ERBB4: variants seen among roughly 807,000 people sequenced by gnomAD.
The protein encoded by ERBB4 is receptor tyrosine-protein kinase erbB-4.
In ERBB4, 42 loss-of-function variants were observed where a neutral mutation model predicts 158.0. The ratio of observed to expected loss-of-function variants is 0.27; its 90% CI spans 0.21 to 0.34. ERBB4 has a LOEUF of 0.34. Ranked by LOEUF, ERBB4 falls within the 10% of genes least tolerant of loss-of-function variation. The probability of loss-of-function intolerance (pLI) is 1.00; values close to 1 mark genes in which losing one functional copy is unlikely to be tolerated. For synonymous variants in ERBB4, 583 were observed against 558.7 expected, an observed-to-expected ratio of 1.04 and a Z score of -0.61; for missense variants, 1,333 against 1,624.1, an observed-to-expected ratio of 0.82 and a Z score of 3.08.
intron 17 of ERBB4, among the ~76,000 whole-genome samples, chr2:211,627,200 A>G (rs2069893029): frequency 6.6e-6 from 1 of 152,122 alleles, no homozygotes; most frequent in Non-Finnish European, 1.5e-5. Context: ...GAATTCTCTC[A>G]CCAACTGCCT....
intron 2 of ERBB4, among the ~76,000 whole-genome samples, chr2:211,968,450 A>C (rs1282658033): frequency 1.3e-5 from 2 of 152,086 alleles, no homozygotes; most frequent in Non-Finnish European, 2.9e-5. Context: ...GATTAAGATA[A>C]AGGCATTTTT....
Position 212,323,759 on chromosome 2 carries a change from T to C in ERBB4, c.83-198856A>G, listed in dbSNP as rs948894647. Among the ~76,000 whole-genome samples, 4 of 150,638 alleles carry C rather than the reference T, an allele frequency of 2.7e-5. 1 individual carries two copies. On this transcript the variant is annotated intron_variant, in intron 1 of 27. Coordinates refer to ENST00000342788, the MANE Select transcript of ERBB4 (RefSeq NM_005235.3). ...CGGTTATTTATCTTTTGGAGCCATGTACCACACTGAAAATATGCTGAAAGA... is the reference window on the plus strand; with the variant it reads ...CGGTTATTTATCTTTTGGAGCCATGCACCACACTGAAAATATGCTGAAAGA...
intron 5 of ERBB4, among the ~76,000 whole-genome samples, chr2:211,726,426 A>T (rs549820757): frequency 4.6e-5 from 7 of 152,282 alleles, no homozygotes; most frequent in African/African-American, 1.7e-4. Context: ...AAAACAGAAC[A>T]TAACTCTTCT....
intron 16 of ERBB4, among the ~76,000 whole-genome samples, chr2:211,641,038 T>C (rs2070565436): frequency 6.6e-6 from 1 of 152,138 alleles, no homozygotes; most frequent in South Asian, 2.1e-4. Flanking sequence ...ATCTATATCA[T>C]TTCATTCAAC....
intron 19 of ERBB4, among the ~76,000 whole-genome samples, chr2:211,600,049 T>G (rs186850701): frequency 6.6e-6 from 1 of 152,318 alleles, no homozygotes; most frequent in African/African-American, 2.4e-5. Context: ...AAAGAATGTA[T>G]AGTGCTGTTC....
chr2:212,029,485 G>C (rs16847543), intron 2 of ERBB4, among the ~76,000 whole-genome samples: 19,953 of 151,968 alleles, frequency 0.13, 1,781 homozygotes, highest in African/African-American at 0.25. Flanking sequence ...GATTATAAAG[G>C]GCTTGATATC....
intron 2 of ERBB4, among the ~76,000 whole-genome samples, chr2:212,047,118 C>T (rs1450065251): frequency 2.0e-5 from 3 of 152,068 alleles, no homozygotes; most frequent in African/African-American, 4.8e-5. Context: ...ATTTTAACTG[C>T]ATATTATATA....
chr2:211,977,681 A>G (rs2081652704), intron 2 of ERBB4, among the ~76,000 whole-genome samples: 1 of 151,592 alleles, frequency 6.6e-6, no homozygotes, highest in African/African-American at 2.4e-5. Context: ...TACTAAAAAT[A>G]CAAAAAATTA....
chr2:211,695,301 T>C (rs1397424657), intron 12 of ERBB4, among the ~76,000 whole-genome samples: 1 of 152,142 alleles, frequency 6.6e-6, no homozygotes, highest in Non-Finnish European at 1.5e-5. Context: ...TCTAGATTCA[T>C]GTACAATGGG....
At chr2:211,984,237 G>C (rs2081879252) in intron 2 of ERBB4, among the ~76,000 whole-genome samples, 1 of 152,086 alleles carries the variant, frequency 6.6e-6, no homozygotes, top group South Asian at 2.1e-4. Flanking sequence ...GCCATTCAAA[G>C]AGTAGAGCCC....
At chr2:212,120,942 C>T (rs751062571) in intron 2 of ERBB4, among the ~76,000 whole-genome samples, 7 of 152,076 alleles carry the variant, frequency 4.6e-5, no homozygotes, top group Admixed American at 1.3e-4. Flanking sequence ...ACTCCACTTA[C>T]TATAATGTGT....
chr2:211,669,216 C>CAAAAAAAAA (rs71054124), intron 14 of ERBB4, among the ~76,000 whole-genome samples: 8 of 56,084 alleles, frequency 1.4e-4, no homozygotes, highest in Non-Finnish European at 2.1e-4. Context: ...GAGTGAGTCT[C>CAAAAAAAAA]AAAAAAAAAA....
chr2:211,563,493 A>G (rs1285883542), intron 19 of ERBB4, among the ~76,000 whole-genome samples: 1 of 152,238 alleles, frequency 6.6e-6, no homozygotes, highest in African/African-American at 2.4e-5. Flanking sequence ...AAAGAAGTGT[A>G]TGATGTTCAA....
chr2:211,421,240 A>G (rs1288609417), intron 24 of ERBB4, among the ~76,000 whole-genome samples: 1 of 151,968 alleles, frequency 6.6e-6, no homozygotes, highest in African/African-American at 2.4e-5. Context: ...ATGAAAACTA[A>G]TTTTGGGGAA....
rs1008075634 is a variant in ERBB4, at chr2:211,704,150, T to G, written c.1243A>C (p.Ser415Arg). Residue 415 changes from serine (S) to arginine (R), a missense_variant, in exon 11 of 28, where the codon AGT (serine) becomes CGT (arginine). By Grantham distance (110) the Ser-to-Arg change is moderately radical. Transcript: ENST00000342788. ...QSWPPNMTDF[S>R]VFSNLVTIGG... is the part of the protein sequence containing the mutation. ...ATGGTCACCAGGTTAGAAAAAACAC[T>G]GAAGTCAGTCATGTTTGGTGGCCAT... 14 of 1,613,208 alleles carry G rather than the reference T, an allele frequency of 8.7e-6. No homozygotes were observed. Among genetic ancestry groups the G allele is most frequent in the African/African-American group, 1.3e-5 (1 of 75,040 alleles).
chr2:212,357,113 A>C (rs1319426909), intron 1 of ERBB4, among the ~76,000 whole-genome samples: 1 of 152,018 alleles, frequency 6.6e-6, no homozygotes, highest in East Asian at 1.9e-4. Context: ...CAAATTTGCT[A>C]TTCCTGGATA....
At chr2:211,551,165 A>G (rs1466123241) in intron 20 of ERBB4, among the ~76,000 whole-genome samples, 1 of 152,220 alleles carries the variant, frequency 6.6e-6, no homozygotes, top group Admixed American at 6.5e-5. Flanking sequence ...ACTAGTATGC[A>G]GTGTGACCCT....
At position 211,421,938 on chromosome 2, in the gene ERBB4, T is replaced by C. The variant is rs1350764966; in HGVS notation, c.2964+69A>G. ...GGTCCTTTCCACAGTTCCAAAGTCC[T>C]GATACTACTCATTTTGCAGTGAGTT... On this transcript the variant is annotated intron_variant, in intron 24 of 27. Transcript: ENST00000342788. 4.3e-6 allele frequency: 4 copies of C among 923,516 alleles called. No individual in the cohort carries two copies. The South Asian group carries it at 5.2e-5, about 12-fold the overall frequency. 57.2% of individuals were successfully genotyped at this position (923,516 alleles called of 1,614,324 possible). A position where few individuals can be genotyped will look rare whatever the true frequency, so the allele number is the denominator to read the frequency against.
At chr2:211,701,507 A>T (rs2106032200) in intron 12 of ERBB4, among the ~76,000 whole-genome samples, 1 of 152,290 alleles carries the variant, frequency 6.6e-6, no homozygotes, top group Middle Eastern at 3.4e-3. Context: ...CTGTAATCCC[A>T]GCACTTTGGG....
Sources: gnomAD v4.1 joint callset for allele counts (sites outside exome capture counted in the v4.1 genomes callset) on GRCh38, gnomAD v4.1.1 for gene constraint, MANE v1.5 for transcripts, NCBI Gene and HGNC (gene_info 2026-07-23, HGNC 2026-07-21) for gene names.